RAB27B: variants seen among roughly 807,000 people sequenced by gnomAD.
The protein encoded by RAB27B is RAB27B, member RAS oncogene family, also known as ras-related protein Rab-27B.
A neutral mutation model predicts 24.6 loss-of-function variants in RAB27B; 15 were observed. That is an observed-to-expected ratio of 0.61 (90% confidence interval 0.41 to 0.94). The LOEUF (loss-of-function observed/expected upper bound fraction) is 0.94. RAB27B is among the 40% of genes least tolerant of loss of function. RAB27B has a pLI of 0.00. For synonymous variants in RAB27B, 105 were observed against 92.5 expected (o/e 1.14, Z -0.78); for missense variants, 261 against 266.8 (o/e 0.98, Z 0.15).
chr18:54,864,572 C>G (rs1912137270), intron 1 of RAB27B, among the ~76,000 whole-genome samples: 1 of 151,726 alleles, frequency 6.6e-6, no homozygotes, highest in African/African-American at 2.4e-5. Flanking sequence ...ATATTTTCTT[C>G]TAAGAGTTTC....
intron 2 of RAB27B, among the ~76,000 whole-genome samples, chr18:54,791,742 A>T (rs1568067169): frequency 6.6e-6 from 1 of 152,294 alleles, no homozygotes; most frequent in East Asian, 1.9e-4. Flanking sequence ...ACAGGCGGCC[A>T]GACGTCAAGA....
chr18:54,737,380 T>C lies in RAB27B; in HGVS notation c.-20+19239T>C, dbSNP rs1909928282. On this transcript the variant is annotated intron_variant, in intron 2 of 4. Coordinates refer to the RAB27B transcript ENST00000586570. The stretch of plus-strand genomic sequence containing the variant: ...CTCAACCTTTATTTATAGTTTCAGT[T>C]ATAGGCCATCTACATTAAGATACCT... 2.0e-5 allele frequency among the ~76,000 whole-genome samples: 3 copies of C among 152,208 alleles called. No individual in the cohort carries two copies. The South Asian group carries it at 6.2e-4, about 32-fold the overall frequency.
chr18:54,756,654 G>A (rs1908014662), intron 2 of RAB27B, among the ~76,000 whole-genome samples: 3 of 152,106 alleles, frequency 2.0e-5, no homozygotes, highest in African/African-American at 7.2e-5. Flanking sequence ...GGCAGGGCTA[G>A]CAACAAGCCA....
rs143461670 is a variant in RAB27B, at chr18:54,780,260, C to T, written c.-20+62119C>T. On this transcript the variant is annotated intron_variant, in intron 2 of 4. Coordinates refer to the RAB27B transcript ENST00000586570. ...CTCCCCCTCACTATGTCTCCGCTGT[C>T]CTGATGGCTTCGCCCTCACCGTGTC... Among the ~76,000 whole-genome samples, 257 of 138,748 alleles carry T rather than the reference C, an allele frequency of 1.9e-3. 8 individuals are homozygous for T. Among genetic ancestry groups the T allele is most frequent in the Middle Eastern group, 8.3e-3 (2 of 240 alleles). 91.0% of individuals were successfully genotyped at this position (138,748 alleles called of 152,430 possible).
intron 2 of RAB27B, among the ~76,000 whole-genome samples, chr18:54,733,661 C>CT (rs1555651353): frequency 7.6e-6 from 1 of 131,302 alleles, no homozygotes; most frequent in East Asian, 2.3e-4. Context: ...CCCCCCCCCC[C>CT]CAAATTTGCT....
intron 4 of RAB27B, among the ~76,000 whole-genome samples, chr18:54,885,192 A>G (rs1016568795): frequency 6.6e-6 from 1 of 152,176 alleles, no homozygotes; most frequent in Non-Finnish European, 1.5e-5. Context: ...AAGAATTTTG[A>G]TCCTAGCAGG....
At chr18:54,844,051 G>T (rs945656713) in intron 1 of RAB27B, among the ~76,000 whole-genome samples, 3 of 152,140 alleles carry the variant, frequency 2.0e-5, no homozygotes, top group Non-Finnish European at 1.5e-5. Context: ...AATCAGGGTG[G>T]GGTCTGAGAT....
At chr18:54,837,790 G>A (rs1910954097) in intron 1 of RAB27B, among the ~76,000 whole-genome samples, 1 of 152,060 alleles carries the variant, frequency 6.6e-6, no homozygotes, top group African/African-American at 2.4e-5. Flanking sequence ...ATATATGTGT[G>A]TATATATATG....
At chr18:54,872,643 A>G (rs552325672) in intron 1 of RAB27B, among the ~76,000 whole-genome samples, 7 of 151,936 alleles carry the variant, frequency 4.6e-5, no homozygotes, top group African/African-American at 1.2e-4. Flanking sequence ...AAAAAAAAGA[A>G]AAAAGAAAAA....
intron 2 of RAB27B, among the ~76,000 whole-genome samples, chr18:54,765,425 T>G (rs1443267109): frequency 6.6e-6 from 1 of 152,188 alleles, no homozygotes; most frequent in African/African-American, 2.4e-5. Flanking sequence ...TTCGTGCTGT[T>G]CCCTAACCCA....
chr18:54,804,867 T>TCC (rs201891260), intron 2 of RAB27B, among the ~76,000 whole-genome samples: 103,560 of 130,616 alleles, frequency 0.79, 39,208 homozygotes, highest in Middle Eastern at 0.89. Context: ...CTTCCTTTCT[T>TCC]TTTTTCTTTT....
At chr18:54,868,149 T>C (rs997159901) in intron 1 of RAB27B, among the ~76,000 whole-genome samples, 1 of 152,162 alleles carries the variant, frequency 6.6e-6, no homozygotes, top group African/African-American at 2.4e-5. Flanking sequence ...GGAGAGATGC[T>C]AAGTGGGGGA....
intron 2 of RAB27B, among the ~76,000 whole-genome samples, chr18:54,799,457 A>G (rs923462453): frequency 2.6e-5 from 4 of 152,084 alleles, no homozygotes; most frequent in Non-Finnish European, 4.4e-5. Context: ...TAATATGTGA[A>G]CATTTTATAA....
intron 2 of RAB27B, among the ~76,000 whole-genome samples, chr18:54,795,364 T>C (rs985170385): frequency 6.6e-6 from 1 of 152,160 alleles, no homozygotes; most frequent in Admixed American, 6.5e-5. Context: ...TTGATCTAGG[T>C]CCTCGCCACA....
At chr18:54,744,627 A>G (rs535638016) in intron 2 of RAB27B, 1 of 152,254 alleles carries the variant, frequency 6.6e-6, no homozygotes, top group Non-Finnish European at 1.5e-5. Flanking sequence ...AATATACCCC[A>G]TAATTATGTA....
intron 2 of RAB27B, among the ~76,000 whole-genome samples, chr18:54,741,957 T>G (rs1294410110): frequency 6.6e-6 from 1 of 152,256 alleles, no homozygotes; most frequent in Non-Finnish European, 1.5e-5. Flanking sequence ...CTGAGGATTC[T>G]GACATTCTAC....
chr18:54,728,903 C>CAAAAAAAAAAAAAAAAAAAAAAAAACAA (rs58878407), intron 2 of RAB27B, among the ~76,000 whole-genome samples: 1 of 68,254 alleles, frequency 1.5e-5, no homozygotes, highest in Non-Finnish European at 2.5e-5. Context: ...AAAAAAAACC[C>CAAAAAAAAAAAAAAAAAAAAAAAAACAA]AAAAAAAAAA....
chr18:54,822,946 A>G (rs924736862), intron 2 of RAB27B, among the ~76,000 whole-genome samples: 2 of 152,236 alleles, frequency 1.3e-5, no homozygotes, highest in African/African-American at 2.4e-5. Flanking sequence ...CAAAATTACA[A>G]TAATCTCAAA....
intron 2 of RAB27B, among the ~76,000 whole-genome samples, chr18:54,744,300 A>G (rs1910164710): frequency 6.6e-6 from 1 of 152,154 alleles, no homozygotes; most frequent in African/African-American, 2.4e-5. Flanking sequence ...AATGTGATAA[A>G]GAAATCTTCT....
Sources: gnomAD v4.1 joint callset for allele counts (sites outside exome capture counted in the v4.1 genomes callset) on GRCh38, gnomAD v4.1.1 for gene constraint, MANE v1.5 for transcripts, NCBI Gene and HGNC (gene_info 2026-07-23, HGNC 2026-07-21) for gene names.